SLC37A3: variants seen among roughly 807,000 people sequenced by gnomAD.
The protein encoded by SLC37A3 is sugar phosphate exchanger 3.
A neutral mutation model predicts 67.1 loss-of-function variants in SLC37A3; 51 were observed. That is an observed-to-expected ratio of 0.76 (90% confidence interval 0.61 to 0.96). SLC37A3 has a LOEUF of 0.96. SLC37A3 is among the 40% of genes least tolerant of loss of function. The probability of loss-of-function intolerance (pLI) is 0.00; values close to 1 mark genes in which losing one functional copy is unlikely to be tolerated. For missense variants in SLC37A3, 508 were observed against 603.0 expected, an observed-to-expected ratio of 0.84 and a Z score of 1.65; for synonymous variants, 214 against 231.4, an observed-to-expected ratio of 0.92 and a Z score of 0.68.
intron 10 of SLC37A3, among the ~76,000 whole-genome samples, chr7:140,347,270 A>G (rs1173566473): frequency 4.6e-5 from 7 of 151,976 alleles, no homozygotes; most frequent in East Asian, 1.9e-4. Context: ...AAAGAAAAAA[A>G]AAAGTGGCTA....
At chr7:140,389,385 A>AC in intron 1 of SLC37A3, among the ~76,000 whole-genome samples, 1 of 151,990 alleles carries the variant, frequency 6.6e-6, no homozygotes, top group East Asian at 1.9e-4. Context: ...CTGCCATCCC[A>AC]CCAGGGAACA....
intron 2 of SLC37A3, among the ~76,000 whole-genome samples, chr7:140,380,609 T>C (rs1798212808): frequency 6.6e-6 from 1 of 152,176 alleles, no homozygotes; most frequent in Non-Finnish European, 1.5e-5. Flanking sequence ...AGTGCAGTTA[T>C]GATCATAGCT....
intron 3 of SLC37A3, among the ~76,000 whole-genome samples, chr7:140,373,337 G>A (rs1797897332): frequency 6.6e-6 from 1 of 152,124 alleles, no homozygotes; most frequent in South Asian, 2.1e-4. Flanking sequence ...AACATATTTC[G>A]ACTTGAAAGA....
intron 14 of SLC37A3, among the ~76,000 whole-genome samples, chr7:140,335,916 A>C (rs1012000314): frequency 2.0e-5 from 3 of 152,238 alleles, no homozygotes; most frequent in Non-Finnish European, 2.9e-5. Context: ...ACATGGGCCC[A>C]GTCTTTAGAA....
intron 9 of SLC37A3, among the ~76,000 whole-genome samples, chr7:140,349,437 G>GA (rs1456486634): frequency 6.6e-6 from 1 of 150,454 alleles, no homozygotes; most frequent in Non-Finnish European, 1.5e-5. Context: ...CCCTTGAGGG[G>GA]AAAAAAATGC....
chr7:140,351,264 G>A lies in SLC37A3; in HGVS notation c.882+9C>T, dbSNP rs111884910. 6,164 of 1,611,966 alleles carry A rather than the reference G, an allele frequency of 3.8e-3. 154 individuals are homozygous for A. The South Asian group carries it at 0.047, about 12-fold the overall frequency. ...TCCCTGGCTGTGGTAAGATGTAAGC[G>A]GTCCTTACCGGTATGACTCCAGGAA... On this transcript the variant is annotated intron_variant, in intron 9 of 14. Coordinates refer to ENST00000326232, the MANE Select transcript of SLC37A3 (RefSeq NM_207113.3).
At chr7:140,361,300 T>C (rs566845485) in intron 5 of SLC37A3, among the ~76,000 whole-genome samples, 21 of 151,874 alleles carry the variant, frequency 1.4e-4, no homozygotes, top group Non-Finnish European at 2.5e-4. Flanking sequence ...CTGACCAACA[T>C]GGAGAAACCC....
rs765307298 is a variant in SLC37A3, at chr7:140,334,609, G to T, written c.*803C>A. The T allele has an allele frequency of 6.6e-6, 1 of 152,590 alleles. No homozygotes were observed. Among genetic ancestry groups the T allele is most frequent in the Non-Finnish European group, 1.5e-5 (1 of 68,098 alleles). 9.5% of individuals were successfully genotyped at this position (152,590 alleles called of 1,614,324 possible). A position where few individuals can be genotyped will look rare whatever the true frequency, so the allele number is the denominator to read the frequency against. ...GTGCTTCGGCTGTGAGTTACACGTCGGAATGTTCAAGATAAATGATGTACC... is the reference window on the plus strand; with the variant it reads ...GTGCTTCGGCTGTGAGTTACACGTCTGAATGTTCAAGATAAATGATGTACC... On this transcript the variant is annotated 3_prime_UTR_variant, in exon 15 of 15. Coordinates refer to ENST00000326232, the MANE Select transcript of SLC37A3 (RefSeq NM_207113.3).
At chr7:140,363,932 A>G (rs1216827558) in intron 5 of SLC37A3, among the ~76,000 whole-genome samples, 2 of 152,136 alleles carry the variant, frequency 1.3e-5, no homozygotes, top group Non-Finnish European at 2.9e-5. Flanking sequence ...CTGAGGGACA[A>G]CAAAGGAACC....
intron 5 of SLC37A3, among the ~76,000 whole-genome samples, chr7:140,358,986 A>G (rs1797151424): frequency 6.6e-6 from 1 of 152,180 alleles, no homozygotes; most frequent in South Asian, 2.1e-4. Context: ...ACTGCCCACC[A>G]GAGAGGAGGA....
At chr7:140,378,964 TTGATCCCA>T (rs1798140048) in intron 3 of SLC37A3, among the ~76,000 whole-genome samples, 1 of 151,316 alleles carries the variant, frequency 6.6e-6, no homozygotes, top group South Asian at 2.1e-4. Flanking sequence ...GGAGAATCGC[TTGATCCCA>T]GGAGGTGGAG....
rs549409493 is a variant in SLC37A3 at position 140,371,302 on chromosome 7, C to T, written c.199-1620G>A. Among the ~76,000 whole-genome samples, 19 of 152,210 alleles carry T rather than the reference C, an allele frequency of 1.2e-4. No homozygotes were observed. The East Asian group carries it at 3.5e-3, about 28-fold the overall frequency. On this transcript the variant is annotated intron_variant, in intron 3 of 14. Transcript: ENST00000326232. ...GTGATTCTCCTGCCTCAGCCTCCCT[C>T]AGCTGGGATTACAGGCACGTGCCAC...
chr7:140,375,368 C>A (rs940891933), intron 3 of SLC37A3, among the ~76,000 whole-genome samples: 1 of 150,866 alleles, frequency 6.6e-6, no homozygotes, highest in Non-Finnish European at 1.5e-5. Context: ...CCAGCTACTC[C>A]GTAGGCTGAG....
At position 140,345,333 on chromosome 7, in the gene SLC37A3, C is replaced by T. The variant is rs78367084; in HGVS notation, c.1127-70G>A. The T allele has an allele frequency of 4.9e-3, 5,853 of 1,195,338 alleles. 177 individuals are homozygous for T. The African/African-American group carries it at 0.076, about 15-fold the overall frequency. 74.0% of individuals were successfully genotyped at this position (1,195,338 alleles called of 1,614,324 possible). On this transcript the variant is annotated intron_variant, in intron 11 of 14. Coordinates refer to ENST00000326232, the MANE Select transcript of SLC37A3 (RefSeq NM_207113.3). ...ACTCCACGTGCCTCTGCCAACCGTA[C>T]GCGAAGATCTGAATCTCCGTGACCT...
intron 5 of SLC37A3, 140 bp from the exon 6 acceptor site, chr7:140,358,925 G>T: frequency 9.4e-7 from 1 of 1,058,988 alleles, no homozygotes. Context: ...CACGTGGCCA[G>T]CATCACAAAG....
intron 14 of SLC37A3, 43 bp from the exon 15 acceptor site, chr7:140,335,547 T>C: frequency 6.3e-7 from 1 of 1,599,118 alleles, no homozygotes. Flanking sequence ...AACAGTTTAC[T>C]TCTGTTAGAG....
chr7:140,351,862 A>G (rs1049242045), intron 8 of SLC37A3, 200 bp downstream of exon 8: 7 of 672,768 alleles, frequency 1.0e-5, no homozygotes, highest in Non-Finnish European at 2.7e-6. Context: ...GACGTGCATC[A>G]CTCCCCTCAA....
intron 9 of SLC37A3, among the ~76,000 whole-genome samples, chr7:140,350,932 C>T (rs1796768326): frequency 1.3e-5 from 2 of 152,128 alleles, no homozygotes; most frequent in South Asian, 2.1e-4. Context: ...AGATCAGGGT[C>T]AGGAAAGCAG....
intron 10 of SLC37A3, among the ~76,000 whole-genome samples, chr7:140,346,367 G>A (rs1325966964): frequency 2.0e-5 from 3 of 151,882 alleles, no homozygotes; most frequent in Non-Finnish European, 2.9e-5. Context: ...GTGACAGAGC[G>A]AGACTCTGTC....
Sources: allele counts gnomAD v4.1 joint callset (sites outside exome capture counted in the v4.1 genomes callset), GRCh38; gene constraint gnomAD v4.1.1; transcripts MANE v1.5; gene names NCBI Gene and HGNC (gene_info 2026-07-23, HGNC 2026-07-21).